Variants in SH3BP5 observed in about 807,000 individuals in gnomAD.
The protein encoded by SH3BP5 is SH3 domain-binding protein 5.
SH3BP5 carries 22 observed loss-of-function variants against 43.3 expected under a neutral mutation model. That is an observed-to-expected ratio of 0.51 (90% CI 0.36 to 0.73). SH3BP5 has a LOEUF of 0.73. SH3BP5 is among the 30% of genes least tolerant of loss of function. The pLI is 0.00. For missense variants in SH3BP5, 529 were observed against 586.9 expected (o/e 0.90, Z 1.02); for synonymous variants, 255 against 225.8 (o/e 1.13, Z -1.16).
intron 3 of SH3BP5, among the ~76,000 whole-genome samples, chr3:15,291,695 C>T (rs1462956945): frequency 2.6e-5 from 4 of 152,092 alleles, no homozygotes; most frequent in Admixed American, 2.6e-4. Context: ...CAGAGGTTCC[C>T]ACAGCATGAT....
At chr3:15,332,656 C>G (rs1057476538), upstream of SH3BP5, 3 of 1,158,570 alleles carry the variant, frequency 2.6e-6, no homozygotes, top group African/African-American at 4.9e-5. Flanking sequence ...CCGTCCCGCC[C>G]CGGCCTCGCG....
At chr3:15,303,771 A>T (rs369514734) in intron 3 of SH3BP5, among the ~76,000 whole-genome samples, 1 of 152,134 alleles carries the variant, frequency 6.6e-6, no homozygotes, top group Admixed American at 6.5e-5. Context: ...AGTGAGGCGA[A>T]CGCGAGGCAG....
At chr3:15,298,854 T>C (rs1697651381) in intron 3 of SH3BP5, among the ~76,000 whole-genome samples, 2 of 151,974 alleles carry the variant, frequency 1.3e-5, no homozygotes, top group Non-Finnish European at 2.9e-5. Context: ...TCTGGGAAGA[T>C]GCAAGGGTTC....
In SH3BP5 at chr3:15,258,760, A is replaced by G. The variant is rs1044883919; in HGVS notation, c.889+71T>C. 28 of 1,381,334 alleles carry G rather than the reference A, an allele frequency of 2.0e-5. No homozygotes were observed. The South Asian group carries it at 2.7e-4, about 13-fold the overall frequency. 85.6% of individuals were successfully genotyped at this position (1,381,334 alleles called of 1,614,324 possible). On this transcript the variant is annotated intron_variant, in intron 7 of 8. Transcript: ENST00000383791. ...AGACCTTTCACTGATGGCCAGAGAA[A>G]GTGAGGACCTTGGGAAACAAATCAC...
At chr3:15,329,764 TCA>T (rs1199379490) in intron 2 of SH3BP5, among the ~76,000 whole-genome samples, 1 of 152,230 alleles carries the variant, frequency 6.6e-6, no homozygotes, top group South Asian at 2.1e-4. Context: ...GACAGTCAAT[TCA>T]CAGTCTCCTG....
chr3:15,336,973 A>C (rs1698707124), upstream of SH3BP5, among the ~76,000 whole-genome samples: 1 of 152,050 alleles, frequency 6.6e-6, no homozygotes, highest in Admixed American at 6.6e-5. Context: ...CCCTGGTTCA[A>C]TCCCACAGTC....
At chr3:15,286,068 GT>G (rs1697256763) in intron 3 of SH3BP5, among the ~76,000 whole-genome samples, 1 of 152,260 alleles carries the variant, frequency 6.6e-6, no homozygotes, top group Non-Finnish European at 1.5e-5. Flanking sequence ...CTATTATCAT[GT>G]AAGTGGGAAG....
In SH3BP5 at chr3:15,259,423, T is replaced by C. The variant is rs182200467; in HGVS notation, c.669+338A>G. On this transcript the variant is annotated intron_variant, in intron 6 of 8. Coordinates refer to ENST00000383791, the MANE Select transcript of SH3BP5 (RefSeq NM_004844.5). ...ATCCCCTTGGGTGTTAAGACTCAGC[T>C]CACTAGACTCCAACCTCAGAGTTTC... The C allele has an allele frequency of 2.3e-5, 12 of 520,206 alleles. No individual in the cohort carries two copies. The East Asian group carries it at 3.9e-4, about 17-fold the overall frequency. 32.2% of individuals were successfully genotyped at this position (520,206 alleles called of 1,614,324 possible). A position where few individuals can be genotyped will look rare whatever the true frequency, so the allele number is the denominator to read the frequency against.
At chr3:15,319,209 G>A (rs748102868) in intron 2 of SH3BP5, among the ~76,000 whole-genome samples, 4 of 152,240 alleles carry the variant, frequency 2.6e-5, no homozygotes, top group Admixed American at 6.5e-5. Flanking sequence ...GCAAAGTGGC[G>A]AAGAATTCCC....
chr3:15,296,683 A>G (rs958328744), intron 3 of SH3BP5, among the ~76,000 whole-genome samples: 38 of 138,668 alleles, frequency 2.7e-4, no homozygotes, highest in Admixed American at 2.4e-3. Flanking sequence ...TCCACTTACG[A>G]AGTGTTTTTC....
rs148743270 is a variant in SH3BP5 at position 15,279,813 on chromosome 3, T to C, written c.331-9936A>G. ...GCATCAGGGAAGGTTCATCAAGCACTGAGCCCACCTCTGCTTATCTTCAGT... is the reference window on the plus strand; with the variant it reads ...GCATCAGGGAAGGTTCATCAAGCACCGAGCCCACCTCTGCTTATCTTCAGT... On this transcript the variant is annotated intron_variant, in intron 3 of 8. Transcript: ENST00000383791. 3.0e-3 allele frequency among the ~76,000 whole-genome samples: 460 copies of C among 152,244 alleles called. 4 individuals carry two copies. Among genetic ancestry groups the C allele is most frequent in the African/African-American group, 0.011 (439 of 41,542 alleles).
chr3:15,289,657 CACAA>C (rs956585277), intron 3 of SH3BP5, among the ~76,000 whole-genome samples: 5 of 152,178 alleles, frequency 3.3e-5, no homozygotes, highest in Non-Finnish European at 7.3e-5. Flanking sequence ...TTATTTTGTG[CACAA>C]ACAATGTAGA....
At chr3:15,274,191 A>G (rs1040648655) in intron 3 of SH3BP5, among the ~76,000 whole-genome samples, 7 of 152,102 alleles carry the variant, frequency 4.6e-5, no homozygotes, top group African/African-American at 1.4e-4. Context: ...GGTTGCAGTG[A>G]GCTAAGATCA....
chr3:15,303,050 T>A (rs748443493), intron 3 of SH3BP5, among the ~76,000 whole-genome samples: 4 of 152,074 alleles, frequency 2.6e-5, no homozygotes, highest in African/African-American at 9.7e-5. Flanking sequence ...TCAAGTGATC[T>A]GCCCACCAAG....
In SH3BP5 at chr3:15,256,707, C is replaced by T. The variant is rs1223245594; in HGVS notation, c.1150+146G>A. The T allele has an allele frequency of 2.4e-5, 23 of 964,756 alleles. No homozygotes were observed. The East Asian group carries it at 4.5e-4, about 19-fold the overall frequency. The allele number at this position is 964,756 out of a possible 1,614,324, so 59.8% of individuals were successfully genotyped here. ...CCAGAACAGCACTTGGAAACAACCT[C>T]AGTGATCAATACTGACAGCACAACC... On this transcript the variant is annotated intron_variant, in intron 8 of 8. Transcript: ENST00000383791.
At chr3:15,318,604 C>T (rs1246597610) in intron 2 of SH3BP5, among the ~76,000 whole-genome samples, 1 of 151,276 alleles carries the variant, frequency 6.6e-6, no homozygotes, top group African/African-American at 2.4e-5. Flanking sequence ...GCTTTGTCAC[C>T]CAGGCTGGAG....
At chr3:15,314,177 G>C (rs1698129515) in intron 2 of SH3BP5, among the ~76,000 whole-genome samples, 1 of 151,694 alleles carries the variant, frequency 6.6e-6, no homozygotes, top group African/African-American at 2.4e-5. Flanking sequence ...CTGTCGCCAG[G>C]GCTGGAGTGC....
At chr3:15,278,111 G>A (rs537524004) in intron 3 of SH3BP5, among the ~76,000 whole-genome samples, 126 of 152,372 alleles carry the variant, frequency 8.3e-4, no homozygotes, top group African/African-American at 2.7e-3. Context: ...GCCCCTGCTC[G>A]ATGGGGGCAA....
chr3:15,289,152 AT>A (rs1697342001), intron 3 of SH3BP5, among the ~76,000 whole-genome samples: 1 of 152,194 alleles, frequency 6.6e-6, no homozygotes, highest in African/African-American at 2.4e-5. Context: ...AAGATAAACT[AT>A]AGTACCAACG....
Sources: allele counts gnomAD v4.1 joint callset (sites outside exome capture counted in the v4.1 genomes callset), GRCh38; gene constraint gnomAD v4.1.1; transcripts MANE v1.5; gene names NCBI Gene and HGNC (gene_info 2026-07-23, HGNC 2026-07-21).